Variants in KIF21B observed in about 807,000 individuals in gnomAD.
The protein encoded by KIF21B is kinesin-like protein KIF21B.
Under a neutral mutation model 192.9 loss-of-function variants are expected in KIF21B, and 85 were observed. The observed-to-expected ratio is 0.44, with a 90% confidence interval of 0.37 to 0.53. The LOEUF (loss-of-function observed/expected upper bound fraction) is 0.53, where lower values mean the gene tolerates loss of function less well. Ranked by LOEUF, KIF21B falls within the 20% of genes least tolerant of loss-of-function variation. The pLI is 0.00. For synonymous variants in KIF21B, 832 were observed against 884.6 expected (o/e 0.94, Z 1.05); for missense variants, 1,716 against 2,194.8 (o/e 0.78, Z 4.36).
At position 200,984,908 on chromosome 1, in the gene KIF21B, C is replaced by T. The variant is rs1656188128; in HGVS notation, c.3754G>A (p.Val1252Ile). 6.2e-7 allele frequency: 1 copy of T among 1,607,242 alleles called. No individual in the cohort carries two copies. The highest frequency in any genetic ancestry group is 1.7e-5 in the Admixed American group (1 of 58,742). The change falls in exon 27 of 35, where the codon GTC (valine) becomes ATC (isoleucine). Residue 1252 changes from valine to isoleucine, a missense_variant. Coordinates refer to ENST00000461742, the MANE Select transcript of KIF21B (RefSeq NM_001252102.2). ...PPTRPRNDRN[V>I]FSRLTSNQSQ... ...TGATTACTGGTGAGACGAGAGAAGA[C>T]ATTGCGGTCATTGCGGGGCCGAGTG...
At position 200,977,144 on chromosome 1, in the gene KIF21B, T is replaced by C. The variant is rs1034184101; in HGVS notation, c.4325+68A>G. ...CTACCCACCCTGGGGTGGGTCCCCC[T>C]GAACCAAGACCTGGGGACCTTGCCT... On this transcript the variant is annotated intron_variant, in intron 31 of 34. Transcript: ENST00000461742. 7 of 1,547,382 alleles carry C rather than the reference T, an allele frequency of 4.5e-6. No individual in the cohort carries two copies. In the African/African-American group the frequency reaches 8.1e-5, roughly 18 times the overall value.
intron 27 of KIF21B, among the ~76,000 whole-genome samples, chr1:200,984,485 G>T (rs978459735): frequency 2.0e-5 from 3 of 152,144 alleles, no homozygotes; most frequent in Non-Finnish European, 4.4e-5. Context: ...AGAGTGGAGT[G>T]GTTGAAGCTG....
At chr1:200,973,706 G>C in intron 34 of KIF21B, 128 bp from the exon 35 acceptor site, 4 of 1,494,432 alleles carry the variant, frequency 2.7e-6, no homozygotes, top group Non-Finnish European at 3.5e-6. Context: ...TGGGAGGCAA[G>C]CATGGCTTAC....
rs369179695 is a variant in KIF21B, at chr1:201,000,624, G to A, written c.1467-16C>T. 18 of 1,613,208 alleles carry A rather than the reference G, an allele frequency of 1.1e-5. No homozygotes were observed. The highest frequency in any genetic ancestry group is 1.4e-5 in the Non-Finnish European group (17 of 1,179,814). ...AAGCTTAGTCCTGCACAGGAAGAAC[G>A]AGTGGACGGGGCCGAGTGAGCTGCC... On this transcript the variant is annotated splice_polypyrimidine_tract_variant and intron_variant, in intron 10 of 34. Coordinates refer to ENST00000461742, the MANE Select transcript of KIF21B (RefSeq NM_001252102.2). The surrounding 1 kb of genome is among the most constrained non-coding windows in gnomAD (Gnocchi z 6.0).
Position 200,987,121 on chromosome 1 carries a change from G to C in KIF21B, c.3489C>G (p.Asn1163Lys). 1 of 1,614,094 alleles carries C rather than the reference G, an allele frequency of 6.2e-7. No individual in the cohort carries two copies. The highest frequency in any genetic ancestry group is 2.2e-5 in the East Asian group (1 of 44,878). The stretch of plus-strand genomic sequence containing the variant: ...CGAGGGAGGCCAGGGACTTGGTGAT[G>C]TTCTTGGTGGAGATATCCAGTGGGG... ...LGPPLDISTKNITKSLASLVE... is the reference protein window; with the variant it reads ...LGPPLDISTKKITKSLASLVE... The change falls in exon 25 of 35, where the codon AAC becomes AAG. Residue 1163 changes from asparagine (N) to lysine (K), a missense_variant. Physicochemically the swap from Asn to Lys is moderately conservative, Grantham distance 94. Transcript: ENST00000461742.
chr1:200,973,202 A>G lies in KIF21B; in HGVS notation c.*319T>C. 3.4e-6 allele frequency: 1 copy of G among 294,044 alleles called. No individual in the cohort carries two copies. The allele number at this position is 294,044 out of a possible 1,614,324, so 18.2% of individuals were successfully genotyped here. A position where few individuals can be genotyped will look rare whatever the true frequency, so the allele number is the denominator to read the frequency against. On this transcript the variant is annotated 3_prime_UTR_variant, in exon 35 of 35. Coordinates refer to ENST00000461742, the MANE Select transcript of KIF21B (RefSeq NM_001252102.2). ...GCTCCACCACTGGGCCAAAGGCCTG[A>G]GAAAGGGGCAGAGCCGGTTCAGCAG...
rs1258132353 is a variant in KIF21B, at chr1:200,975,548, C to T, written c.4565G>A (p.Arg1522Gln). ...IQGDILFSGS[R>Q]DNGIKKWDLD... Reference sequence around the variant, plus strand: ...GTCCCACTTCTTGATGCCGTTATCTCGGGAGCCACTGAACAGGATGTCTCC... The same window carrying T: ...GTCCCACTTCTTGATGCCGTTATCTTGGGAGCCACTGAACAGGATGTCTCC... The change falls in exon 33 of 35, where the codon CGA becomes CAA. Residue 1522 changes from arginine (R) to glutamine (Q), a missense_variant. Around this residue, in one of 3 missense-constraint regions of KIF21B, gnomAD observed 580 missense variants for 775.5 expected, o/e 0.75. Transcript: ENST00000461742. This position sits in a 1 kb window ranked among gnomAD's most constrained non-coding sequence, Gnocchi z 4.3. 2 of 1,613,774 alleles carry T rather than the reference C, an allele frequency of 1.2e-6. No homozygotes were observed. The highest frequency in any genetic ancestry group is 2.2e-5 in the East Asian group (1 of 44,882).
At position 201,010,275 on chromosome 1, in the gene KIF21B, C is replaced by T. The variant is rs557256228; in HGVS notation, c.42-787G>A. On this transcript the variant is annotated intron_variant, in intron 1 of 34. Transcript: ENST00000461742. ...TAGCTGGGGCTGACCAGGTCAAGTC[C>T]CAAGTTCCCTTGTGAAGGGCAGGGA... 5.9e-5 allele frequency among the ~76,000 whole-genome samples: 9 copies of T among 152,268 alleles called. No homozygotes were observed. The South Asian group carries it at 1.9e-3, about 32-fold the overall frequency.
chr1:201,001,617 G>A (rs1429364451), intron 9 of KIF21B: 2 of 154,246 alleles, frequency 1.3e-5, no homozygotes, highest in African/African-American at 2.4e-5. Context: ...CTGGGTTCAA[G>A]TGATTCTCCT....
At position 200,988,777 on chromosome 1, in the gene KIF21B, T is replaced by C; in HGVS notation, c.3287A>G (p.Asn1096Ser). 1.9e-6 allele frequency: 3 copies of C among 1,613,266 alleles called. No homozygotes were observed. Among genetic ancestry groups the C allele is most frequent in the Non-Finnish European group, 1.7e-6 (2 of 1,179,532 alleles). The change falls in exon 22 of 35, where the codon AAT (asparagine) becomes AGT (serine). Residue 1096 changes from asparagine (N) to serine (S), a missense_variant. Coordinates refer to ENST00000461742, the MANE Select transcript of KIF21B (RefSeq NM_001252102.2). ...GCCCCTACCCGTACCCTGCTGCACA[T>C]TGTAGATGAGGGCCTGCAGCTCGGG... ...AHPELQALIY[N>S]VQQENGYAST...
intron 34 of KIF21B, chr1:200,974,045 A>G (rs1317443844): frequency 6.3e-7 from 1 of 1,595,956 alleles, no homozygotes; most frequent in Non-Finnish European, 8.5e-7. Context: ...AAGAGAGGGA[A>G]AAGGAAAGAG....
In KIF21B at chr1:200,970,069, C is replaced by T. The variant is rs1655140786; in HGVS notation, c.*3452G>A. ...CTGCCCACACAAACACGATGGTGAA[C>T]AGACCAGGCACAGGCAACAACCAGG... is the stretch of plus-strand genomic sequence containing the variant. On this transcript the variant is annotated 3_prime_UTR_variant, in exon 35 of 35. Coordinates refer to ENST00000461742, the MANE Select transcript of KIF21B (RefSeq NM_001252102.2). 6.5e-6 allele frequency: 1 copy of T among 152,740 alleles called. No homozygotes were observed. 9.5% of individuals were successfully genotyped at this position (152,740 alleles called of 1,614,324 possible). A position where few individuals can be genotyped will look rare whatever the true frequency, so the allele number is the denominator to read the frequency against.
At chr1:201,015,523 A>G (rs1658452561) in intron 1 of KIF21B, among the ~76,000 whole-genome samples, 1 of 152,234 alleles carries the variant, frequency 6.6e-6, no homozygotes, top group Non-Finnish European at 1.5e-5. Context: ...AGCAAGCCTA[A>G]GGGGAAAAGC....
intron 1 of KIF21B, among the ~76,000 whole-genome samples, chr1:201,010,527 C>T (rs371553909): frequency 1.8e-4 from 27 of 152,236 alleles, no homozygotes; most frequent in East Asian, 5.8e-4. Flanking sequence ...CAGGGATTGG[C>T]GGAAAGCACC....
In KIF21B at chr1:200,990,868, T is replaced by C. The variant is rs201546175; in HGVS notation, c.2687+49A>G. 6.2e-7 allele frequency: 1 copy of C among 1,608,940 alleles called. No homozygotes were observed. The highest frequency in any genetic ancestry group is 1.3e-5 in the African/African-American group (1 of 74,904). ...TCCTCACCCTGGCCCTGCCCCATAT[T>C]CCCACCCCCTCTGCCTGCACAGGCC... On this transcript the variant is annotated intron_variant, in intron 18 of 34. Transcript: ENST00000461742. This position sits in a 1 kb window ranked among gnomAD's most constrained non-coding sequence, Gnocchi z 5.4.
rs760108386 is a variant in KIF21B at position 201,002,365 on chromosome 1, A to C, written c.1213-15T>G. The C allele has an allele frequency of 6.2e-7, 1 of 1,606,638 alleles. No homozygotes were observed. The highest frequency in any genetic ancestry group is 8.5e-7 in the Non-Finnish European group (1 of 1,173,778). ...ACTCGCTTGCCCTGGGAGCAGGGGC[A>C]AAGGGGAGCAGTCAGGCAGCAGAGC... is the stretch of plus-strand genomic sequence containing the variant. On this transcript the variant is annotated splice_polypyrimidine_tract_variant and intron_variant, in intron 8 of 34. Transcript: ENST00000461742.
Position 201,023,316 on chromosome 1 carries a change from G to A in KIF21B, c.41+27C>T. The A allele has an allele frequency of 6.6e-7, 1 of 1,517,082 alleles. No individual in the cohort carries two copies. The highest frequency in any genetic ancestry group is 2.1e-5 in the Admixed American group (1 of 47,778). The allele number at this position is 1,517,082 out of a possible 1,614,324, so 94.0% of individuals were successfully genotyped here. On this transcript the variant is annotated intron_variant, in intron 1 of 34. Coordinates refer to ENST00000461742, the MANE Select transcript of KIF21B (RefSeq NM_001252102.2). The surrounding 1 kb of genome is among the most constrained non-coding windows in gnomAD (Gnocchi z 5.9). ...GACAAAGCCCGAGGCTTCTCCGCGC[G>A]CCCCCTTCCCCGCCCCGGGTCCCTA...
intron 17 of KIF21B, 84 bp downstream of exon 17, chr1:200,991,573 C>T (rs1229681011): frequency 1.3e-5 from 19 of 1,410,882 alleles, no homozygotes; most frequent in Non-Finnish European, 1.8e-5. Flanking sequence ...GTTGGAGGCC[C>T]AAAAGAGAAG....
In KIF21B at chr1:200,975,953, C is replaced by T. The variant is rs1459492869; in HGVS notation, c.4444-284G>A. ...GTAATGCAGGGGTGAATCAGCTCATCACGCCGAGACCCCACAGCTCAACAG... is the reference window on the plus strand; with the variant it reads ...GTAATGCAGGGGTGAATCAGCTCATTACGCCGAGACCCCACAGCTCAACAG... On this transcript the variant is annotated intron_variant, in intron 32 of 34. Coordinates refer to ENST00000461742, the MANE Select transcript of KIF21B (RefSeq NM_001252102.2). The surrounding 1 kb of genome is among the most constrained non-coding windows in gnomAD (Gnocchi z 4.3). Among the ~76,000 whole-genome samples, 1 of 152,200 alleles carries T rather than the reference C, an allele frequency of 6.6e-6. No individual in the cohort carries two copies. Among genetic ancestry groups the T allele is most frequent in the Non-Finnish European group, 1.5e-5 (1 of 68,032 alleles).
Sources: gnomAD v4.1 joint callset for allele counts (sites outside exome capture counted in the v4.1 genomes callset) on GRCh38, gnomAD v4.1.1 for gene constraint, gnomAD v4.1.1 regional missense constraint, Gnocchi (gnomAD v3.1) non-coding constraint, MANE v1.5 for transcripts, NCBI Gene and HGNC (gene_info 2026-07-23, HGNC 2026-07-21) for gene names.